Variants in ARMC9 observed in about 807,000 individuals in gnomAD.
ARMC9 encodes lisH domain-containing protein ARMC9.
ARMC9 carries 94 observed loss-of-function variants against 107.0 expected under a neutral mutation model. That is an observed-to-expected ratio of 0.88 (90% confidence interval 0.74 to 1.04). ARMC9 has a LOEUF of 1.04. Among genes scored for constraint, ARMC9 ranks in the 50% least tolerant of loss-of-function variants. ARMC9 has a pLI of 0.00. For synonymous variants in ARMC9, 380 were observed against 396.9 expected, an observed-to-expected ratio of 0.96 and a Z score of 0.51; for missense variants, 942 against 1,030.1, an observed-to-expected ratio of 0.91 and a Z score of 1.17.
intron 19 of ARMC9, among the ~76,000 whole-genome samples, chr2:231,321,167 A>G (rs2042976505): frequency 6.6e-6 from 1 of 152,276 alleles, no homozygotes; most frequent in South Asian, 2.1e-4. Flanking sequence ...GGCAGACTCA[A>G]TGCCTGTCAG....
chr2:231,304,597 A>G (rs1379521017), intron 19 of ARMC9, among the ~76,000 whole-genome samples: 1 of 152,158 alleles, frequency 6.6e-6, no homozygotes, highest in Non-Finnish European at 1.5e-5. Flanking sequence ...GGGCTTCACT[A>G]TGTTGGCCAG....
chr2:231,335,312 G>A (rs189324126), intron 20 of ARMC9, among the ~76,000 whole-genome samples: 2 of 152,298 alleles, frequency 1.3e-5, no homozygotes, highest in East Asian at 3.9e-4. Flanking sequence ...CCAAATCCCA[G>A]GAACCAATCA....
At chr2:231,233,365 A>G (rs913857738) in intron 7 of ARMC9, among the ~76,000 whole-genome samples, 1 of 152,232 alleles carries the variant, frequency 6.6e-6, no homozygotes, top group Non-Finnish European at 1.5e-5. Flanking sequence ...CTCAGTGTCT[A>G]TAAAATCAGA....
At chr2:231,215,274 C>A (rs2033374653) in intron 4 of ARMC9, 1 of 346,928 alleles carries the variant, frequency 2.9e-6, no homozygotes, top group Non-Finnish European at 5.2e-6. Context: ...GTTTATTTGG[C>A]AACTTAGTAT....
chr2:231,356,056 A>C (rs2045333638), intron 22 of ARMC9, 122 bp downstream of exon 22: 5 of 1,294,046 alleles, frequency 3.9e-6, no homozygotes, highest in Non-Finnish European at 4.1e-6. Context: ...TCTCAGCAAC[A>C]GCCCCGTGTC....
At chr2:231,225,699 G>T (rs1187418122) in intron 6 of ARMC9, among the ~76,000 whole-genome samples, 1 of 152,192 alleles carries the variant, frequency 6.6e-6, no homozygotes, top group African/African-American at 2.4e-5. Flanking sequence ...GTATATTAGT[G>T]GTTGCCAGGG....
chr2:231,233,768 C>T (rs1269510002), intron 7 of ARMC9, among the ~76,000 whole-genome samples: 1 of 151,062 alleles, frequency 6.6e-6, no homozygotes, highest in East Asian at 1.9e-4. Flanking sequence ...AAGAGCAAAA[C>T]TCCATCTCAA....
At chr2:231,228,187 C>T (rs1465353493) in intron 7 of ARMC9, among the ~76,000 whole-genome samples, 2 of 152,226 alleles carry the variant, frequency 1.3e-5, no homozygotes, top group African/African-American at 4.8e-5. Flanking sequence ...GGATCTTGCC[C>T]TGCAGCTCCT....
intron 3 of ARMC9, among the ~76,000 whole-genome samples, chr2:231,212,100 C>T (rs2032951051): frequency 6.6e-6 from 1 of 152,042 alleles, no homozygotes; most frequent in Non-Finnish European, 1.5e-5. Flanking sequence ...AGTGAGTTTC[C>T]CCAAGCAGTT....
At chr2:231,298,904 A>T (rs1350046122) in intron 19 of ARMC9, among the ~76,000 whole-genome samples, 1 of 152,200 alleles carries the variant, frequency 6.6e-6, no homozygotes, top group Non-Finnish European at 1.5e-5. Context: ...AGTGCACTCC[A>T]GCCTAGGCAA....
intron 7 of ARMC9, among the ~76,000 whole-genome samples, chr2:231,227,480 T>C (rs936477811): frequency 6.6e-6 from 1 of 152,226 alleles, no homozygotes; most frequent in Non-Finnish European, 1.5e-5. Flanking sequence ...ATTGATGGCA[T>C]AACCCTCAGT....
At chr2:231,281,815 C>T (rs946675826) in intron 16 of ARMC9, among the ~76,000 whole-genome samples, 1 of 152,122 alleles carries the variant, frequency 6.6e-6, no homozygotes, top group Admixed American at 6.6e-5. Flanking sequence ...CAATGAAATG[C>T]GCAGGAGTAA....
intron 1 of ARMC9, among the ~76,000 whole-genome samples, chr2:231,205,064 G>A (rs989769525): frequency 6.6e-6 from 1 of 152,076 alleles, no homozygotes; most frequent in African/African-American, 2.4e-5. Flanking sequence ...AAAATGTAAG[G>A]TTACAGACTC....
Position 231,250,377 on chromosome 2 carries a change from C to G in ARMC9, c.880-6209C>G, listed in dbSNP as rs528860251. Among the ~76,000 whole-genome samples the G allele has an allele frequency of 1.1e-4, 17 of 152,298 alleles. No homozygotes were observed. The South Asian group carries it at 3.5e-3, about 32-fold the overall frequency. Reference sequence around the variant, plus strand: ...TCCATTAGATGCCAGTAGCACTACTCCCGCTATTAACAACCCAAAATGTCT... The same window carrying G: ...TCCATTAGATGCCAGTAGCACTACTGCCGCTATTAACAACCCAAAATGTCT... On this transcript the variant is annotated intron_variant, in intron 9 of 24. Coordinates refer to ENST00000611582, the MANE Select transcript of ARMC9 (RefSeq NM_001352754.2).
intron 3 of ARMC9, among the ~76,000 whole-genome samples, chr2:231,213,317 C>T (rs557265039): frequency 6.6e-6 from 1 of 151,582 alleles, no homozygotes; most frequent in Non-Finnish European, 1.5e-5. Flanking sequence ...GCACATGTCA[C>T]CACACCCAGC....
intron 19 of ARMC9, among the ~76,000 whole-genome samples, chr2:231,312,467 C>G (rs1434475539): frequency 6.6e-6 from 1 of 152,236 alleles, no homozygotes; most frequent in Non-Finnish European, 1.5e-5. Context: ...AGCCACATAG[C>G]AAAAGGATGT....
rs778341994 is a variant in ARMC9 at position 231,258,994 on chromosome 2, A to C, written c.918A>C (p.Lys306Asn). 3.7e-6 allele frequency: 6 copies of C among 1,612,454 alleles called. No homozygotes were observed. The East Asian group carries it at 1.3e-4, about 36-fold the overall frequency. ...TTGAACTTGTGTTGCTGAGTAGGAA[A>C]TTGAAGGATGTCCCATTACTGCCCT... ...TMLRASLAPV[K>N]LKDVPLLPSL... Residue 306 changes from lysine (K) to asparagine (N), a missense_variant, in exon 11 of 25, where the codon AAA (lysine) becomes AAC (asparagine). Lys to Asn is a moderately conservative substitution (Grantham distance 94, BLOSUM62 0). Coordinates refer to ENST00000611582, the MANE Select transcript of ARMC9 (RefSeq NM_001352754.2).
At chr2:231,251,839 CCTCAG>C (rs1231445003) in intron 9 of ARMC9, among the ~76,000 whole-genome samples, 1 of 152,156 alleles carries the variant, frequency 6.6e-6, no homozygotes, top group Non-Finnish European at 1.5e-5. Context: ...GATCCTTCCA[CCTCAG>C]CCTCCCGAGT....
At chr2:231,280,617 GAA>G (rs2040143920) in intron 16 of ARMC9, among the ~76,000 whole-genome samples, 1 of 151,832 alleles carries the variant, frequency 6.6e-6, no homozygotes, top group Non-Finnish European at 1.5e-5. Flanking sequence ...CCAAAATAAA[GAA>G]AAAGATGCAC....
Sources: gnomAD v4.1 joint callset for allele counts (sites outside exome capture counted in the v4.1 genomes callset) on GRCh38, gnomAD v4.1.1 for gene constraint, MANE v1.5 for transcripts, NCBI Gene and HGNC (gene_info 2026-07-23, HGNC 2026-07-21) for gene names.